SSH2: variants seen among roughly 807,000 people sequenced by gnomAD.
SSH2 encodes slingshot protein phosphatase 2.
In SSH2, 37 loss-of-function variants were observed where a neutral mutation model predicts 135.2. The observed-to-expected ratio is 0.27, with a 90% confidence interval of 0.21 to 0.36. SSH2 has a LOEUF of 0.36. SSH2 is among the 10% of genes least tolerant of loss of function. The pLI, the probability that SSH2 is intolerant of heterozygous loss-of-function variation, is 1.00. For synonymous variants in SSH2, 628 were observed against 646.2 expected, an observed-to-expected ratio of 0.97 and a Z score of 0.43; for missense variants, 1,408 against 1,765.3, an observed-to-expected ratio of 0.80 and a Z score of 3.63.
At chr17:29,757,945 T>G (rs1282981128) in intron 3 of SSH2, among the ~76,000 whole-genome samples, 1 of 150,794 alleles carries the variant, frequency 6.6e-6, no homozygotes, top group Non-Finnish European at 1.5e-5. Context: ...TACACAGAAG[T>G]TGAAGCAAGA....
intron 14 of SSH2, among the ~76,000 whole-genome samples, chr17:29,646,037 T>G (rs1306900514): frequency 2.6e-5 from 4 of 152,162 alleles, no homozygotes; most frequent in African/African-American, 4.8e-5. Context: ...CAGCCCCAAC[T>G]GCTTCTAGAC....
chr17:29,722,167 C>T (rs779072923), intron 3 of SSH2, among the ~76,000 whole-genome samples: 7 of 151,094 alleles, frequency 4.6e-5, no homozygotes, highest in Non-Finnish European at 8.8e-5. Context: ...CCCAGCTACT[C>T]GGGAGGCTGA....
chr17:29,810,304 T>G (rs2042419018), intron 2 of SSH2, among the ~76,000 whole-genome samples: 2 of 152,186 alleles, frequency 1.3e-5, no homozygotes, highest in Non-Finnish European at 2.9e-5. Context: ...CACAACAGAA[T>G]TCTCATAGAA....
At chr17:29,797,218 T>C (rs2042173981) in intron 2 of SSH2, among the ~76,000 whole-genome samples, 1 of 152,188 alleles carries the variant, frequency 6.6e-6, no homozygotes, top group African/African-American at 2.4e-5. Context: ...TGTGTCTACG[T>C]AATTCAAACT....
Position 29,900,894 on chromosome 17 carries a change from G to A in SSH2, c.63+29044C>T, listed in dbSNP as rs145112665. 4.6e-3 allele frequency among the ~76,000 whole-genome samples: 697 copies of A among 152,278 alleles called. 1 individual carries two copies. The highest frequency in any genetic ancestry group is 8.2e-3 in the Non-Finnish European group (555 of 68,026). On this transcript the variant is annotated intron_variant, in intron 1 of 15. Transcript: ENST00000540801. Reference sequence around the variant, plus strand: ...GGAACCAACCCAAATGTCCAACAATGAGAGACTAGATTAAGAAAATGTGGC... The same window carrying A: ...GGAACCAACCCAAATGTCCAACAATAAGAGACTAGATTAAGAAAATGTGGC...
chr17:29,724,663 C>G (rs554550330), intron 3 of SSH2, among the ~76,000 whole-genome samples: 1 of 141,474 alleles, frequency 7.1e-6, no homozygotes, highest in African/African-American at 2.6e-5. Context: ...ATTCTCAGCT[C>G]ACTGCAACCT....
intron 3 of SSH2, among the ~76,000 whole-genome samples, chr17:29,722,590 T>C (rs1567916107): frequency 6.6e-6 from 1 of 152,224 alleles, no homozygotes; most frequent in Non-Finnish European, 1.5e-5. Context: ...CAAAAAGCTA[T>C]GCACGGGAAG....
intron 5 of SSH2, among the ~76,000 whole-genome samples, chr17:29,695,077 A>G (rs2038671743): frequency 6.6e-6 from 1 of 151,954 alleles, no homozygotes. Context: ...TGGCCATTTC[A>G]CTCCCTCCTT....
rs76480846 is a variant in SSH2 at position 29,927,239 on chromosome 17, A to G, written c.63+2699T>C. Among the ~76,000 whole-genome samples, 52 of 152,268 alleles carry G rather than the reference A, an allele frequency of 3.4e-4. 1 individual carries two copies. Among genetic ancestry groups the G allele is most frequent in the Non-Finnish European group, 6.9e-4 (47 of 68,010 alleles). On this transcript the variant is annotated intron_variant, in intron 1 of 15. Coordinates refer to ENST00000540801, the MANE Select transcript of SSH2 (RefSeq NM_001282129.2). The stretch of plus-strand genomic sequence containing the variant: ...TTCAGACAATACTTATGACCATCAC[A>G]AACTCTTCAGGTACCTACAGTATCA...
chr17:29,758,045 TCAAAA>T (rs377669909), intron 3 of SSH2, among the ~76,000 whole-genome samples: 25 of 151,706 alleles, frequency 1.6e-4, no homozygotes, highest in South Asian at 6.3e-4. Flanking sequence ...AGGGCCTGTC[TCAAAA>T]CAAAACAAAA....
At chr17:29,745,260 A>G (rs529636924) in intron 3 of SSH2, among the ~76,000 whole-genome samples, 1 of 152,064 alleles carries the variant, frequency 6.6e-6, no homozygotes, top group South Asian at 2.1e-4. Flanking sequence ...CCTGGGTTCA[A>G]GCGATTCTCA....
chr17:29,695,697 T>G (rs2038698601), intron 4 of SSH2, among the ~76,000 whole-genome samples, 174 bp from the exon 5 acceptor site: 1 of 152,254 alleles, frequency 6.6e-6, no homozygotes, highest in Admixed American at 6.5e-5. Context: ...GACAGACTGC[T>G]AGACTGCATC....
chr17:29,632,206 C>G lies in SSH2; in HGVS notation c.2988G>C (p.Gln996His). The G allele has an allele frequency of 6.2e-7, 1 of 1,613,910 alleles. No homozygotes were observed. The highest frequency in any genetic ancestry group is 8.5e-7 in the Non-Finnish European group (1 of 1,179,944). Residue 996 changes from glutamine to histidine, a missense_variant, in exon 16 of 16, where the codon CAG becomes CAC. By Grantham distance (24) the Gln-to-His change is conservative. Transcript: ENST00000540801. ...VLEFDHLPDP[Q>H]EGPGSDTGTQ... Reference sequence around the variant, plus strand: ...TTCCAGTATCTGACCCTGGGCCCTCCTGAGGATCTGGCAAGTGGTCAAACT... The same window carrying G: ...TTCCAGTATCTGACCCTGGGCCCTCGTGAGGATCTGGCAAGTGGTCAAACT...
intron 5 of SSH2, among the ~76,000 whole-genome samples, chr17:29,692,432 T>C (rs2038527564): frequency 6.6e-6 from 1 of 152,212 alleles, no homozygotes; most frequent in Non-Finnish European, 1.5e-5. Flanking sequence ...CGGCTTGTCA[T>C]TTGAACTTTG....
intron 2 of SSH2, among the ~76,000 whole-genome samples, chr17:29,835,013 T>C (rs2042919555): frequency 1.3e-5 from 2 of 152,258 alleles, no homozygotes; most frequent in South Asian, 4.1e-4. Context: ...ATCATTATTA[T>C]AACTCTTGAC....
intron 1 of SSH2, among the ~76,000 whole-genome samples, chr17:29,864,903 G>A (rs886144947): frequency 6.6e-6 from 1 of 152,124 alleles, no homozygotes; most frequent in Non-Finnish European, 1.5e-5. Flanking sequence ...CTAGTGTAGT[G>A]CCCAGAAATG....
intron 3 of SSH2, among the ~76,000 whole-genome samples, chr17:29,770,949 T>C (rs952584920): frequency 1.3e-5 from 2 of 152,214 alleles, no homozygotes; most frequent in Non-Finnish European, 2.9e-5. Context: ...ATTAAAATCC[T>C]GTGTAGGTAA....
In SSH2 at chr17:29,890,825, G is replaced by A. The variant is rs1363661404; in HGVS notation, c.63+39113C>T. 3.3e-5 allele frequency among the ~76,000 whole-genome samples: 5 copies of A among 152,058 alleles called. No homozygotes were observed. In the East Asian group the frequency reaches 5.8e-4, roughly 18 times the overall value. ...GGCTGGAGCGCTGTGGTGCGATCTC[G>A]GCTCACTGCAACCTCTGCCTCCTGT... On this transcript the variant is annotated intron_variant, in intron 1 of 15. Transcript: ENST00000540801.
chr17:29,843,114 G>A (rs749603109), intron 2 of SSH2, among the ~76,000 whole-genome samples: 3 of 152,200 alleles, frequency 2.0e-5, no homozygotes, highest in Non-Finnish European at 4.4e-5. Context: ...ATGACAGGAC[G>A]TGCTTGCTGT....
Sources: allele counts gnomAD v4.1 joint callset (sites outside exome capture counted in the v4.1 genomes callset), GRCh38; gene constraint gnomAD v4.1.1; transcripts MANE v1.5; gene names NCBI Gene and HGNC (gene_info 2026-07-23, HGNC 2026-07-21).